Variants in MARCHF1 observed in about 807,000 individuals in gnomAD.
The protein encoded by MARCHF1 is E3 ubiquitin-protein ligase MARCHF1.
Under a neutral mutation model 54.2 loss-of-function variants are expected in MARCHF1, and 40 were observed. The ratio of observed to expected loss-of-function variants is 0.74; its 90% confidence interval spans 0.57 to 0.96. The LOEUF (loss-of-function observed/expected upper bound fraction) is 0.96, where lower values mean the gene tolerates loss of function less well. MARCHF1 is among the 40% of genes least tolerant of loss of function. The pLI, the probability that MARCHF1 is intolerant of heterozygous loss-of-function variation, is 0.00. For missense variants in MARCHF1, 586 were observed against 656.5 expected (o/e 0.89, Z 1.17); for synonymous variants, 236 against 236.3 (o/e 1.00, Z 0.01).
At chr4:164,307,435 G>A (rs77224921) in intron 1 of MARCHF1, among the ~76,000 whole-genome samples, 2,253 of 152,316 alleles carry the variant, frequency 0.015, 53 homozygotes, top group African/African-American at 0.051. Context: ...AACAATGGAT[G>A]TGTCAATAGC....
chr4:164,084,914 A>T (rs965542496), intron 2 of MARCHF1, among the ~76,000 whole-genome samples: 1 of 151,856 alleles, frequency 6.6e-6, no homozygotes, highest in Non-Finnish European at 1.5e-5. Context: ...TGATTTTTTT[A>T]AAAGTAATGA....
Position 164,184,880 on chromosome 4 carries a change from C to A in MARCHF1, c.-322-73218G>T, listed in dbSNP as rs76419061. Among the ~76,000 whole-genome samples, 685 of 152,184 alleles carry A rather than the reference C, an allele frequency of 4.5e-3. 3 individuals carry two copies. The highest frequency in any genetic ancestry group is 0.015 in the African/African-American group (640 of 41,514). On this transcript the variant is annotated intron_variant, in intron 1 of 9. Transcript: ENST00000514618. ...ATGTTGTCTAAAAATATTGGTACAG[C>A]AAAATAAAAAGAGCTCTTTGGATGG...
At chr4:163,742,693 G>C (rs1746242928) in intron 4 of MARCHF1, among the ~76,000 whole-genome samples, 1 of 151,908 alleles carries the variant, frequency 6.6e-6, no homozygotes, top group Non-Finnish European at 1.5e-5. Context: ...GTCCAGGTTA[G>C]TCTCGAACTC....
At chr4:164,260,910 T>C (rs1352967547) in intron 1 of MARCHF1, among the ~76,000 whole-genome samples, 1 of 152,224 alleles carries the variant, frequency 6.6e-6, no homozygotes, top group Admixed American at 6.5e-5. Flanking sequence ...AATGATGAGA[T>C]GACATAGGCT....
intron 4 of MARCHF1, among the ~76,000 whole-genome samples, chr4:163,758,108 ATTAT>A (rs547011252): frequency 8.9e-4 from 135 of 152,082 alleles, no homozygotes; most frequent in Non-Finnish European, 1.7e-3. Context: ...TTTCTTTTTC[ATTAT>A]TTTTCTCTTT....
chr4:164,136,052 A>G (rs1022676554), intron 1 of MARCHF1, among the ~76,000 whole-genome samples: 2 of 152,090 alleles, frequency 1.3e-5, no homozygotes, highest in African/African-American at 4.8e-5. Context: ...AGTTATACAC[A>G]TATTTTTTTC....
At chr4:164,206,364 G>T (rs1388562706) in intron 1 of MARCHF1, among the ~76,000 whole-genome samples, 2 of 152,190 alleles carry the variant, frequency 1.3e-5, no homozygotes, top group African/African-American at 4.8e-5. Context: ...TTGAACCCAG[G>T]AGGTGGAGGT....
rs148721302 is a variant in MARCHF1 at position 164,141,237 on chromosome 4, T to C, written c.-322-29575A>G. On this transcript the variant is annotated intron_variant, in intron 1 of 9. Transcript: ENST00000514618. ...ACTGATACTTTCTAAGGATGGGGGC[T>C]TCTAGAACTTTTCCTGTCAGCTAAT... 5.8e-3 allele frequency among the ~76,000 whole-genome samples: 877 copies of C among 152,308 alleles called. 8 individuals carry two copies. The highest frequency in any genetic ancestry group is 0.02 in the African/African-American group (830 of 41,570).
chr4:164,220,632 A>ATG lies in MARCHF1; in HGVS notation c.-322-108971_-322-108970insCA, dbSNP rs1380702836. 2.5e-3 allele frequency among the ~76,000 whole-genome samples: 364 copies of ATG among 145,818 alleles called. 13 individuals are homozygous for ATG. The highest frequency in any genetic ancestry group is 0.02 in the Admixed American group (281 of 14,226). ...TATGCTATATATGCATATATGTAAT[A>ATG]TATATGCTATATATGCATATATGTA... On this transcript the variant is annotated intron_variant, in intron 1 of 9. Transcript: ENST00000514618.
chr4:164,089,776 A>T (rs898292558), intron 2 of MARCHF1, among the ~76,000 whole-genome samples: 5 of 152,016 alleles, frequency 3.3e-5, no homozygotes, highest in Non-Finnish European at 7.4e-5. Flanking sequence ...ATCTAGAAAG[A>T]TAAGTAAGTA....
chr4:163,552,647 GAC>G (rs1472891137), intron 8 of MARCHF1, among the ~76,000 whole-genome samples: 3 of 152,154 alleles, frequency 2.0e-5, no homozygotes, highest in Admixed American at 2.0e-4. Flanking sequence ...GTTCCCTATA[GAC>G]ACACTCAGGC....
At chr4:164,014,477 G>A (rs1753494902) in intron 2 of MARCHF1, among the ~76,000 whole-genome samples, 1 of 152,070 alleles carries the variant, frequency 6.6e-6, no homozygotes, top group Non-Finnish European at 1.5e-5. Context: ...AGACAGGAAG[G>A]AAGGAAGAGA....
intron 2 of MARCHF1, among the ~76,000 whole-genome samples, chr4:164,044,986 G>A (rs1446442358): frequency 6.6e-6 from 1 of 152,034 alleles, no homozygotes; most frequent in Non-Finnish European, 1.5e-5. Flanking sequence ...ATAAAACTTA[G>A]AGTAAGAACC....
intron 2 of MARCHF1, among the ~76,000 whole-genome samples, chr4:164,041,900 T>C (rs1380008619): frequency 1.3e-5 from 2 of 152,158 alleles, no homozygotes; most frequent in Admixed American, 6.6e-5. Flanking sequence ...TTTCTTAAAA[T>C]TACCATGAGT....
chr4:163,928,532 A>G (rs1018201335), intron 3 of MARCHF1, among the ~76,000 whole-genome samples: 12 of 151,972 alleles, frequency 7.9e-5, no homozygotes, highest in African/African-American at 2.9e-4. Context: ...CAAAGACAGA[A>G]TGTAATTGAC....
intron 3 of MARCHF1, among the ~76,000 whole-genome samples, chr4:163,929,568 T>C (rs1751610401): frequency 6.6e-6 from 1 of 151,942 alleles, no homozygotes; most frequent in South Asian, 2.1e-4. Context: ...AGAACACTGC[T>C]TAAAAATCGT....
intron 5 of MARCHF1, among the ~76,000 whole-genome samples, chr4:163,652,123 T>C (rs1338842234): frequency 6.6e-6 from 1 of 151,868 alleles, no homozygotes; most frequent in Non-Finnish European, 1.5e-5. Context: ...TCAGACACTA[T>C]CTCATCTAGG....
intron 1 of MARCHF1, among the ~76,000 whole-genome samples, chr4:164,239,394 T>A (rs2111202428): frequency 6.6e-6 from 1 of 152,266 alleles, no homozygotes; most frequent in Admixed American, 6.5e-5. Flanking sequence ...AGTTTAAAAA[T>A]TGTTTTTAAT....
intron 1 of MARCHF1, among the ~76,000 whole-genome samples, chr4:164,291,763 A>ATTT (rs1734288846): frequency 6.6e-6 from 1 of 152,096 alleles, no homozygotes; most frequent in African/African-American, 2.4e-5. Context: ...TAGAAAAGGT[A>ATTT]TAGTAAAAAT....
Sources: allele counts gnomAD v4.1 joint callset (sites outside exome capture counted in the v4.1 genomes callset), GRCh38; gene constraint gnomAD v4.1.1; transcripts MANE v1.5; gene names NCBI Gene and HGNC (gene_info 2026-07-23, HGNC 2026-07-21).